TBC1D32: variants seen among roughly 807,000 people sequenced by gnomAD.
The protein encoded by TBC1D32 is TBC1 domain family member 32.
Under a neutral mutation model 170.3 loss-of-function variants are expected in TBC1D32, and 151 were observed. That is an observed-to-expected ratio of 0.89 (90% CI 0.78 to 1.01). The LOEUF (loss-of-function observed/expected upper bound fraction) is 1.01, where lower values mean the gene tolerates loss of function less well. Among genes scored for constraint, TBC1D32 ranks in the 50% least tolerant of loss-of-function variants. TBC1D32 has a pLI of 0.00. For missense variants in TBC1D32, 1,464 were observed against 1,457.1 expected, an observed-to-expected ratio of 1.00 and a Z score of -0.08; for synonymous variants, 498 against 488.0, an observed-to-expected ratio of 1.02 and a Z score of -0.27.
At chr6:121,286,364 G>C (rs1035812675) in intron 12 of TBC1D32, among the ~76,000 whole-genome samples, 4 of 152,152 alleles carry the variant, frequency 2.6e-5, no homozygotes, top group Non-Finnish European at 2.9e-5. Context: ...TAGCCGATTT[G>C]ATCAACTGGA....
In TBC1D32 at chr6:121,118,475, C is replaced by T. The variant is rs550565402; in HGVS notation, c.2984-3234G>A. ...GTTGACAAAATTTATGTCACATGAA[C>T]TGATATCACTCAGTGTGGGTCATGC... On this transcript the variant is annotated intron_variant, in intron 26 of 31. Transcript: ENST00000398212. Among the ~76,000 whole-genome samples, 3 of 152,260 alleles carry T rather than the reference C, an allele frequency of 2.0e-5. No individual in the cohort carries two copies. The South Asian group carries it at 6.2e-4, about 32-fold the overall frequency.
At chr6:121,192,810 T>A (rs1255423981) in intron 22 of TBC1D32, among the ~76,000 whole-genome samples, 1 of 151,996 alleles carries the variant, frequency 6.6e-6, no homozygotes, top group South Asian at 2.1e-4. Flanking sequence ...CAACATCTCC[T>A]CCCTGACCCA....
At chr6:121,136,260 C>T (rs967135455) in intron 24 of TBC1D32, among the ~76,000 whole-genome samples, 1 of 152,152 alleles carries the variant, frequency 6.6e-6, no homozygotes, top group Non-Finnish European at 1.5e-5. Context: ...GGACATGTAA[C>T]AACCTGGGTC....
Position 121,080,684 on chromosome 6 carries a change from T to C in TBC1D32, c.*87A>G. On this transcript the variant is annotated 3_prime_UTR_variant, in exon 32 of 32. Coordinates refer to ENST00000398212, the MANE Select transcript of TBC1D32 (RefSeq NM_152730.6). Reference sequence around the variant, plus strand: ...ACAATATGTATATTCACAAAGTAAATGTTGTTACAGACACAGAAAAACATC... The same window carrying C: ...ACAATATGTATATTCACAAAGTAAACGTTGTTACAGACACAGAAAAACATC... 1 of 1,474,078 alleles carries C rather than the reference T, an allele frequency of 6.8e-7. No homozygotes were observed. The highest frequency in any genetic ancestry group is 9.1e-7 in the Non-Finnish European group (1 of 1,099,374). The allele number at this position is 1,474,078 out of a possible 1,614,324, so 91.3% of individuals were successfully genotyped here. A position where few individuals can be genotyped will look rare whatever the true frequency, so the allele number is the denominator to read the frequency against.
intron 26 of TBC1D32, among the ~76,000 whole-genome samples, chr6:121,117,316 C>T (rs1253799721): frequency 2.0e-5 from 3 of 151,916 alleles, no homozygotes; most frequent in East Asian, 1.9e-4. Context: ...TTGGTATGAA[C>T]AAAACTATGC....
At chr6:121,081,454 C>A (rs1020003880) in intron 31 of TBC1D32, among the ~76,000 whole-genome samples, 1 of 151,982 alleles carries the variant, frequency 6.6e-6, no homozygotes, top group African/African-American at 2.4e-5. Flanking sequence ...ATGACCATTC[C>A]TTTTAGTACC....
chr6:121,317,143 G>A (rs1011305339), intron 3 of TBC1D32, among the ~76,000 whole-genome samples: 3 of 151,936 alleles, frequency 2.0e-5, no homozygotes, highest in Non-Finnish European at 2.9e-5. Context: ...ATGTTTTATT[G>A]TCACACCTCA....
intron 22 of TBC1D32, among the ~76,000 whole-genome samples, chr6:121,190,690 CATG>C (rs1190784574): frequency 6.6e-6 from 1 of 152,080 alleles, no homozygotes. Context: ...TCACCAGAAA[CATG>C]ATAACTCTCT....
chr6:121,305,155 T>A (rs1423030332), intron 5 of TBC1D32, among the ~76,000 whole-genome samples: 1 of 151,930 alleles, frequency 6.6e-6, no homozygotes, highest in African/African-American at 2.4e-5. Context: ...AGGAACAGAG[T>A]AGGCAGTACT....
chr6:121,170,129 A>G (rs1786749147), intron 22 of TBC1D32, among the ~76,000 whole-genome samples: 1 of 151,768 alleles, frequency 6.6e-6, no homozygotes, highest in African/African-American at 2.4e-5. Context: ...TATTTTATGT[A>G]TTACATATAT....
At chr6:121,144,549 A>G (rs1200552446) in intron 24 of TBC1D32, among the ~76,000 whole-genome samples, 2 of 152,136 alleles carry the variant, frequency 1.3e-5, no homozygotes, top group African/African-American at 2.4e-5. Flanking sequence ...AACAGTTGCC[A>G]TTTCTGAAAG....
chr6:121,220,038 G>A (rs967961687), intron 21 of TBC1D32, among the ~76,000 whole-genome samples: 191 of 152,128 alleles, frequency 1.3e-3, no homozygotes, highest in African/African-American at 4.0e-3. Context: ...CTTTCTCCTG[G>A]GGCCTCCTTA....
chr6:121,250,481 A>C (rs942937145), intron 17 of TBC1D32, among the ~76,000 whole-genome samples: 3 of 152,224 alleles, frequency 2.0e-5, no homozygotes, highest in African/African-American at 7.2e-5. Context: ...ACCAATGACA[A>C]AAATCACATG....
At chr6:121,137,014 C>A (rs1447652944) in intron 24 of TBC1D32, among the ~76,000 whole-genome samples, 1 of 152,024 alleles carries the variant, frequency 6.6e-6, no homozygotes, top group Non-Finnish European at 1.5e-5. Context: ...CTTACAAGAA[C>A]TCTAATGACT....
Position 121,239,350 on chromosome 6 carries a change from G to A in TBC1D32, c.2246-162C>T, listed in dbSNP as rs550865536. On this transcript the variant is annotated intron_variant, in intron 19 of 31. Coordinates refer to ENST00000398212, the MANE Select transcript of TBC1D32 (RefSeq NM_152730.6). Reference sequence around the variant, plus strand: ...TCTCTTCTTGGTAGAAATTATATCTGCTATTGTTAATATACTTTTATGATA... The same window carrying A: ...TCTCTTCTTGGTAGAAATTATATCTACTATTGTTAATATACTTTTATGATA... 2.0e-5 allele frequency among the ~76,000 whole-genome samples: 3 copies of A among 152,122 alleles called. No homozygotes were observed. The East Asian group carries it at 5.8e-4, about 29-fold the overall frequency.
At chr6:121,128,359 A>C (rs74663579) in intron 25 of TBC1D32, among the ~76,000 whole-genome samples, 3,201 of 152,222 alleles carry the variant, frequency 0.021, 52 homozygotes, top group Non-Finnish European at 0.03. Flanking sequence ...TTTCTAACCA[A>C]TTGTAAGTGT....
intron 28 of TBC1D32, 117 bp from the exon 29 acceptor site, chr6:121,112,776 A>T: frequency 1.0e-6 from 1 of 980,786 alleles, no homozygotes; most frequent in South Asian, 2.3e-5. Flanking sequence ...TTCTGAATTT[A>T]TGAAACTTAG....
intron 17 of TBC1D32, among the ~76,000 whole-genome samples, chr6:121,247,695 C>CAAAAAAAAAA (rs34914027): frequency 9.3e-3 from 432 of 46,326 alleles, no homozygotes; most frequent in Middle Eastern, 0.038. Context: ...GGCTTTAAAG[C>CAAAAAAAAAA]AAAAAAAAAA....
chr6:121,288,541 C>A (rs1184784459), intron 12 of TBC1D32, among the ~76,000 whole-genome samples: 1 of 152,054 alleles, frequency 6.6e-6, no homozygotes, highest in African/African-American at 2.4e-5. Context: ...AGTCCAGGAC[C>A]AGATGGATTC....
Sources: allele counts gnomAD v4.1 joint callset (sites outside exome capture counted in the v4.1 genomes callset), GRCh38; gene constraint gnomAD v4.1.1; transcripts MANE v1.5; gene names NCBI Gene and HGNC (gene_info 2026-07-23, HGNC 2026-07-21).